Variants in MYH13 observed in about 807,000 individuals in gnomAD.
The protein encoded by MYH13 is myosin-13.
In MYH13, 177 loss-of-function variants were observed where a neutral mutation model predicts 232.1. That is an observed-to-expected ratio of 0.76 (90% confidence interval 0.67 to 0.86). MYH13 has a LOEUF of 0.86. Among genes scored for constraint, MYH13 ranks in the 40% least tolerant of loss-of-function variants. The pLI, the probability that MYH13 is intolerant of heterozygous loss-of-function variation, is 0.00. For synonymous variants in MYH13, 884 were observed against 923.5 expected, an observed-to-expected ratio of 0.96 and a Z score of 0.78; for missense variants, 2,246 against 2,405.9, an observed-to-expected ratio of 0.93 and a Z score of 1.39.
Position 10,301,583 on chromosome 17 carries a change from C to T in MYH13, c.5788G>A (p.Asp1930Asn). The T allele has an allele frequency of 6.2e-7, 1 of 1,614,208 alleles. No homozygotes were observed. Among genetic ancestry groups the T allele is most frequent in the South Asian group, 1.1e-5 (1 of 91,082 alleles). ...CCTGCTCTTACCTGGCTGCCCACGTCTCGGCTCTTGGCCCTCAGCTTGTTG... is the reference window on the plus strand; with the variant it reads ...CCTGCTCTTACCTGGCTGCCCACGTTTCGGCTCTTGGCCCTCAGCTTGTTG... ...QVNKLRAKSR[D>N]VGSQKMEE is the part of the protein sequence containing the mutation. The change falls in exon 40 of 41, where the codon GAC (aspartate) becomes AAC (asparagine). Residue 1930 changes from aspartate (D) to asparagine (N), a missense_variant. Coordinates refer to ENST00000252172, the MANE Select transcript of MYH13 (RefSeq NM_003802.3).
intron 29 of MYH13, among the ~76,000 whole-genome samples, chr17:10,315,337 G>C (rs1906662278): frequency 6.6e-6 from 1 of 152,186 alleles, no homozygotes; most frequent in Admixed American, 6.5e-5. Context: ...CTGTCTTCCA[G>C]GCTGGAGTGC....
chr17:10,302,649 G>A (rs1366253175), intron 39 of MYH13, among the ~76,000 whole-genome samples: 1 of 152,146 alleles, frequency 6.6e-6, no homozygotes, highest in African/African-American at 2.4e-5. Context: ...GACACTTTGG[G>A]AAACACTGAT....
intron 21 of MYH13, 87 bp from the exon 22 acceptor site, chr17:10,328,208 C>G: frequency 1.3e-6 from 2 of 1,487,820 alleles, no homozygotes; most frequent in Non-Finnish European, 9.1e-7. Context: ...CCCCATCCTC[C>G]GTCTTTCTCG....
chr17:10,340,528 T>C, intron 16 of MYH13, 127 bp from the exon 17 acceptor site: 6 of 719,692 alleles, frequency 8.3e-6, no homozygotes, highest in Non-Finnish European at 1.4e-5. Flanking sequence ...AGGTTTTGTT[T>C]GTTTGTTTTA....
chr17:10,318,853 C>A lies in MYH13; in HGVS notation c.3675G>T (p.Lys1225Asn), dbSNP rs371722783. ...CGTCAATCTCCATCTTCAGCTCGCT[C>A]TTCTCCTTCTCCAGCTTCTGCTTCA... ...QRVKQKLEKE[K>N]SELKMEIDDM... Residue 1225 changes from lysine to asparagine, a missense_variant, in exon 27 of 41, where the codon AAG (lysine) becomes AAT (asparagine). Lys to Asn is a moderately conservative substitution (Grantham distance 94). Coordinates refer to ENST00000252172, the MANE Select transcript of MYH13 (RefSeq NM_003802.3). The A allele has an allele frequency of 1.1e-5, 18 of 1,614,050 alleles. No homozygotes were observed. The Admixed American group carries it at 1.8e-4, about 16-fold the overall frequency.
chr17:10,371,971 TG>T (rs1373078690), intron 1 of MYH13, among the ~76,000 whole-genome samples: 1 of 152,128 alleles, frequency 6.6e-6, no homozygotes, highest in Non-Finnish European at 1.5e-5. Flanking sequence ...CAATATCAAA[TG>T]TAATCTAAGC....
intron 30 of MYH13, 54 bp from the exon 31 acceptor site, chr17:10,312,811 G>A (rs2142223685): frequency 6.5e-7 from 1 of 1,538,946 alleles, no homozygotes; most frequent in Middle Eastern, 1.7e-4. Flanking sequence ...TATTTCAGTA[G>A]GTAACTGTCA....
intron 7 of MYH13, among the ~76,000 whole-genome samples, chr17:10,358,238 C>A (rs1021384332): frequency 2.0e-5 from 3 of 152,100 alleles, no homozygotes; most frequent in African/African-American, 7.2e-5. Context: ...GCAAAGCAAG[C>A]GACCCAGGGG....
intron 37 of MYH13, among the ~76,000 whole-genome samples, chr17:10,303,919 C>T (rs1906190542): frequency 6.6e-6 from 1 of 152,152 alleles, no homozygotes; most frequent in Admixed American, 6.5e-5. Flanking sequence ...GGCACATATA[C>T]ATCATGGAAT....
At chr17:10,322,849 G>A (rs1907019829) in intron 23 of MYH13, among the ~76,000 whole-genome samples, 1 of 152,002 alleles carries the variant, frequency 6.6e-6, no homozygotes, top group Non-Finnish European at 1.5e-5. Context: ...TAGCCAGGAT[G>A]GTCTCGATCT....
chr17:10,318,103 C>G, intron 27 of MYH13, among the ~76,000 whole-genome samples: 1 of 152,014 alleles, frequency 6.6e-6, no homozygotes, highest in Non-Finnish European at 1.5e-5. Flanking sequence ...TTAGCCAGGC[C>G]TGGTGGCGTG....
In MYH13 at chr17:10,313,317, C is replaced by T. The variant is rs368423742; in HGVS notation, c.4022G>A (p.Arg1341His). The change falls in exon 30 of 41, where the codon CGC (arginine) becomes CAC (histidine). Residue 1341 changes from arginine (R) to histidine (H), a missense_variant. Transcript: ENST00000252172. ...TTCCCGCAGCAGGTCACAGTCGTGG[C>T]GGGAGGACTGCAGGGCGTGCGCCAT... is the stretch of plus-strand genomic sequence containing the variant. ...NAMAHALQSS[R>H]HDCDLLREQY... The T allele has an allele frequency of 1.9e-5, 31 of 1,614,120 alleles. No individual in the cohort carries two copies. The African/African-American group carries it at 2.4e-4, about 13-fold the overall frequency.
chr17:10,306,817 T>G lies in MYH13; in HGVS notation c.5295+122A>C. 6.4e-7 allele frequency: 1 copy of G among 1,556,464 alleles called. No individual in the cohort carries two copies. Among genetic ancestry groups the G allele is most frequent in the Non-Finnish European group, 8.6e-7 (1 of 1,156,084 alleles). On this transcript the variant is annotated intron_variant, in intron 36 of 40. Transcript: ENST00000252172. The surrounding 1 kb of genome is among the most constrained non-coding windows in gnomAD (Gnocchi z 4.3). ...GAGACTGTACCTCATTACATCTGTC[T>G]GGGAAGCCACCACTAACCGATTGTT...
At chr17:10,352,017 C>T (rs967023008) in intron 11 of MYH13, among the ~76,000 whole-genome samples, 10 of 152,082 alleles carry the variant, frequency 6.6e-5, no homozygotes, top group African/African-American at 2.4e-4. Context: ...GGAGAGATTC[C>T]GAGGCCATGA....
At chr17:10,365,194 C>T (rs375423077) in intron 2 of MYH13, among the ~76,000 whole-genome samples, 2 of 152,190 alleles carry the variant, frequency 1.3e-5, no homozygotes, top group Non-Finnish European at 2.9e-5. Context: ...CTTTCTAAAT[C>T]GCTCATCGTG....
intron 16 of MYH13, among the ~76,000 whole-genome samples, chr17:10,343,456 TC>T (rs1217225739): frequency 6.6e-5 from 10 of 152,198 alleles, no homozygotes; most frequent in African/African-American, 2.4e-4. Context: ...CGCCTTGGCC[TC>T]CCAAAGAGCT....
intron 7 of MYH13, among the ~76,000 whole-genome samples, chr17:10,359,380 C>G (rs1259327724): frequency 6.6e-6 from 1 of 152,228 alleles, no homozygotes; most frequent in African/African-American, 2.4e-5. Flanking sequence ...TTGATGAACA[C>G]CTAGAGGTAC....
Position 10,318,896 on chromosome 17 carries a change from A to G in MYH13, c.3632T>C (p.Ile1211Thr), listed in dbSNP as rs143068181. 1.5e-5 allele frequency: 24 copies of G among 1,614,102 alleles called. No individual in the cohort carries two copies. Among genetic ancestry groups the G allele is most frequent in the Middle Eastern group, 1.6e-4 (1 of 6,062 alleles). Residue 1211 changes from isoleucine to threonine, a missense_variant, in exon 27 of 41, where the codon ATT becomes ACT. Physicochemically the swap from Ile to Thr is moderately conservative, Grantham distance 89 (BLOSUM62 -1). Coordinates refer to ENST00000252172, the MANE Select transcript of MYH13 (RefSeq NM_003802.3). The stretch of plus-strand genomic sequence containing the variant: ...CTGCTTCACCCGCTGCAGGTTGTCA[A>G]TCTGCTCCCCAAGCTCGGCCACACT... ...ADSVAELGEQ[I>T]DNLQRVKQKL... is the part of the protein sequence containing the mutation.
Position 10,345,551 on chromosome 17 carries a change from G to T in MYH13, c.1329C>A (p.Thr443=), listed in dbSNP as rs1213616823. 7 of 1,614,188 alleles carry T rather than the reference G, an allele frequency of 4.3e-6. No homozygotes were observed. The East Asian group carries it at 1.6e-4, about 36-fold the overall frequency. The part of the protein sequence containing the change: ...VYEKMFLWMV[T]RINQQLDTKQ... ...TGGTGTCCAGCTGCTGGTTGATGCG[G>T]GTGACCATCCACAGGAACATCTTCT... Residue 443 remains threonine (T), a synonymous_variant, in exon 14 of 41, where the codon ACC becomes ACA. Coordinates refer to ENST00000252172, the MANE Select transcript of MYH13 (RefSeq NM_003802.3).
Sources: allele counts gnomAD v4.1 joint callset (sites outside exome capture counted in the v4.1 genomes callset), GRCh38; gene constraint gnomAD v4.1.1; non-coding constraint Gnocchi (gnomAD v3.1); transcripts MANE v1.5; gene names NCBI Gene and HGNC (gene_info 2026-07-23, HGNC 2026-07-21).